Variants in ARHGEF33 observed in about 807,000 individuals in gnomAD.
The protein encoded by ARHGEF33 is Rho guanine nucleotide exchange factor 33.
A neutral mutation model predicts 101.9 loss-of-function variants in ARHGEF33; 72 were observed. That is an observed-to-expected ratio of 0.71 (90% CI 0.58 to 0.86). The LOEUF is 0.86. Among genes scored for constraint, ARHGEF33 ranks in the 40% least tolerant of loss-of-function variants. ARHGEF33 has a pLI of 0.00. For synonymous variants in ARHGEF33, 499 were observed against 442.5 expected, an observed-to-expected ratio of 1.13 and a Z score of -1.60; for missense variants, 1,169 against 1,111.3, an observed-to-expected ratio of 1.05 and a Z score of -0.74.
At chr2:38,923,861 T>G (rs1666811881) in intron 4 of ARHGEF33, among the ~76,000 whole-genome samples, 1 of 152,212 alleles carries the variant, frequency 6.6e-6, no homozygotes, top group Non-Finnish European at 1.5e-5. Flanking sequence ...CCATAAAATT[T>G]TAAAATAAGT....
chr2:38,921,143 G>C (rs72916823), intron 3 of ARHGEF33, among the ~76,000 whole-genome samples: 1 of 152,166 alleles, frequency 6.6e-6, no homozygotes, highest in Non-Finnish European at 1.5e-5. Context: ...GTAGTAGAAC[G>C]TGGTTTTCTA....
rs1341176477 is a variant in ARHGEF33 at position 38,966,070 on chromosome 2, C to T, written c.2408C>T (p.Ser803Phe). ...PKEERESEQTSFSDQNPRQDQ... is the reference protein window; with the variant it reads ...PKEERESEQTFFSDQNPRQDQ... ...GAAGAAAGAGAAAGTGAACAAACAT[C>T]TTTCAGCGATCAAAATCCCAGGCAA... The change falls in exon 17 of 18, where the codon TCT (serine) becomes TTT (phenylalanine). Residue 803 changes from serine to phenylalanine, a missense_variant. Coordinates refer to ENST00000409978, the MANE Select transcript of ARHGEF33 (RefSeq NM_001145451.5). 6.4e-7 allele frequency: 1 copy of T among 1,551,722 alleles called. No homozygotes were observed. Among genetic ancestry groups the T allele is most frequent in the Non-Finnish European group, 8.7e-7 (1 of 1,146,984 alleles).
intron 1 of ARHGEF33, among the ~76,000 whole-genome samples, chr2:38,893,561 A>G (rs1327534982): frequency 6.6e-6 from 1 of 152,236 alleles, no homozygotes; most frequent in East Asian, 1.9e-4. Context: ...AAGGGAATTC[A>G]TCTTTTCTCT....
Position 38,889,957 on chromosome 2 carries a change from G to A in ARHGEF33, c.-188G>A. On this transcript the variant is annotated 5_prime_UTR_variant, in exon 1 of 18. Coordinates refer to ENST00000409978, the MANE Select transcript of ARHGEF33 (RefSeq NM_001145451.5). ...AGAACCCAGATAAGCCTTGATCTGA[G>A]GATGATATAACCACCGCAGGCAACA... is the stretch of plus-strand genomic sequence containing the variant. 1 of 470,642 alleles carries A rather than the reference G, an allele frequency of 2.1e-6. No individual in the cohort carries two copies. The highest frequency in any genetic ancestry group is 4.4e-6 in the Non-Finnish European group (1 of 226,816). The allele number at this position is 470,642 out of a possible 1,614,324, so 29.2% of individuals were successfully genotyped here. A position where few individuals can be genotyped will look rare whatever the true frequency, so the allele number is the denominator to read the frequency against.
At chr2:38,925,590 A>G (rs1434131008) in intron 4 of ARHGEF33, among the ~76,000 whole-genome samples, 1 of 152,214 alleles carries the variant, frequency 6.6e-6, no homozygotes, top group East Asian at 1.9e-4. Context: ...CTCTACATTC[A>G]GATTACTTGC....
chr2:38,913,384 A>G (rs1205517303), intron 2 of ARHGEF33, among the ~76,000 whole-genome samples: 1 of 152,238 alleles, frequency 6.6e-6, no homozygotes, highest in African/African-American at 2.4e-5. Context: ...TTCCAATGTA[A>G]TTGAAGTTTT....
intron 12 of ARHGEF33, among the ~76,000 whole-genome samples, chr2:38,953,573 G>T (rs748748262): frequency 2.0e-5 from 3 of 152,160 alleles, no homozygotes; most frequent in Non-Finnish European, 2.9e-5. Context: ...AGTCTCAGAA[G>T]ATGTGAATCT....
At chr2:38,942,039 A>G (rs1667323121) in intron 9 of ARHGEF33, among the ~76,000 whole-genome samples, 2 of 150,176 alleles carry the variant, frequency 1.3e-5, no homozygotes, top group Admixed American at 1.3e-4. Flanking sequence ...TAATTTGATA[A>G]TATCTTCTCA....
intron 9 of ARHGEF33, among the ~76,000 whole-genome samples, chr2:38,943,125 G>A (rs1320973702): frequency 3.3e-5 from 5 of 152,012 alleles, no homozygotes; most frequent in Non-Finnish European, 5.9e-5. Context: ...ATGGGGTTTC[G>A]CCATGTTAGC....
intron 2 of ARHGEF33, among the ~76,000 whole-genome samples, chr2:38,898,322 A>G (rs1381583999): frequency 6.6e-6 from 1 of 152,218 alleles, no homozygotes; most frequent in Admixed American, 6.5e-5. Context: ...GGTGCGTGTC[A>G]AACACAAAAT....
At chr2:38,936,469 A>C (rs1008036551) in intron 8 of ARHGEF33, among the ~76,000 whole-genome samples, 1 of 152,226 alleles carries the variant, frequency 6.6e-6, no homozygotes, top group Admixed American at 6.5e-5. Flanking sequence ...GGAAGCAGAT[A>C]TAAGGAGTCA....
chr2:38,930,998 A>G, intron 6 of ARHGEF33, 111 bp from the exon 7 acceptor site: 2 of 796,352 alleles, frequency 2.5e-6, no homozygotes, highest in East Asian at 2.9e-5. Flanking sequence ...CAATTTATAT[A>G]GTTCAACCTA....
At position 38,958,081 on chromosome 2, in the gene ARHGEF33, A is replaced by G. The variant is rs1458496751; in HGVS notation, c.1418A>G (p.Asn473Ser). ...AAAGGGCTGGCTTCCCAGTGTGCCA[A>G]TGCTGGGCAAGATGCTTCCCCCACT... The part of the protein sequence containing the change: ...LYKGLASQCA[N>S]AGQDASPTAG... Residue 473 changes from asparagine (N) to serine (S), a missense_variant, in exon 15 of 18, where the codon AAT becomes AGT. Physicochemically the swap from Asn to Ser is conservative, Grantham distance 46. Transcript: ENST00000409978. 20 of 1,552,196 alleles carry G rather than the reference A, an allele frequency of 1.3e-5. No individual in the cohort carries two copies. In the East Asian group the frequency reaches 2.9e-4, roughly 23 times the overall value.
intron 2 of ARHGEF33, among the ~76,000 whole-genome samples, chr2:38,916,082 T>C (rs887298384): frequency 8.5e-5 from 13 of 152,220 alleles, no homozygotes; most frequent in African/African-American, 3.1e-4. Context: ...TATGTACATA[T>C]GTGACCATAT....
At chr2:38,918,806 C>T (rs529777113) in intron 2 of ARHGEF33, among the ~76,000 whole-genome samples, 7 of 147,262 alleles carry the variant, frequency 4.8e-5, no homozygotes, top group South Asian at 2.1e-4. Context: ...TTTGGGAGGC[C>T]GAGGTTGGAG....
At chr2:38,906,405 A>T (rs1666391968) in intron 2 of ARHGEF33, among the ~76,000 whole-genome samples, 2 of 152,218 alleles carry the variant, frequency 1.3e-5, no homozygotes, top group Admixed American at 6.5e-5. Context: ...TCTTAGCAAA[A>T]CCAGCCCCAG....
At chr2:38,962,231 G>T (rs1667959027) in intron 16 of ARHGEF33, among the ~76,000 whole-genome samples, 1 of 152,190 alleles carries the variant, frequency 6.6e-6, no homozygotes, top group South Asian at 2.1e-4. Context: ...ATTGAAAGGG[G>T]AAGTAAATGG....
chr2:38,966,640 G>C (rs1037544362), intron 17 of ARHGEF33, among the ~76,000 whole-genome samples: 1 of 152,226 alleles, frequency 6.6e-6, no homozygotes, highest in African/African-American at 2.4e-5. Flanking sequence ...TTCCCTGAAT[G>C]AGTGGATTTG....
At chr2:38,904,126 C>T (rs192578201) in intron 2 of ARHGEF33, among the ~76,000 whole-genome samples, 2 of 152,240 alleles carry the variant, frequency 1.3e-5, no homozygotes, top group East Asian at 1.9e-4. Flanking sequence ...TTGAGTTTTA[C>T]AGTTATTCCA....
Sources: gnomAD v4.1 joint callset for allele counts (sites outside exome capture counted in the v4.1 genomes callset) on GRCh38, gnomAD v4.1.1 for gene constraint, MANE v1.5 for transcripts, NCBI Gene and HGNC (gene_info 2026-07-23, HGNC 2026-07-21) for gene names.